NHSL1: variants seen among roughly 807,000 people sequenced by gnomAD.
NHSL1 encodes the protein NHS-like protein 1.
In NHSL1, 48 loss-of-function variants were observed where a neutral mutation model predicts 95.0. The observed-to-expected ratio is 0.51, with a 90% CI of 0.40 to 0.64. The LOEUF is 0.64. Ranked by LOEUF, NHSL1 falls within the 30% of genes least tolerant of loss-of-function variation. NHSL1 has a pLI of 0.00. For synonymous variants in NHSL1, 783 were observed against 833.9 expected (o/e 0.94, Z 1.05); for missense variants, 1,971 against 2,077.7 (o/e 0.95, Z 1.00).
chr6:138,641,817 C>T (rs1269452429), intron 1 of NHSL1, among the ~76,000 whole-genome samples: 1 of 151,996 alleles, frequency 6.6e-6, no homozygotes, highest in East Asian at 1.9e-4. Flanking sequence ...TCTACTCCTG[C>T]CTGAAAAGAT....
At chr6:138,595,625 A>G (rs1454065459) in intron 1 of NHSL1, among the ~76,000 whole-genome samples, 1 of 152,230 alleles carries the variant, frequency 6.6e-6, no homozygotes, top group Non-Finnish European at 1.5e-5. Flanking sequence ...GTGAATTTCA[A>G]TAACTTCAAT....
chr6:138,545,549 T>C, intron 1 of NHSL1: 2 of 1,095,720 alleles, frequency 1.8e-6, no homozygotes, highest in Non-Finnish European at 2.5e-6. Context: ...GCTCTGTGAT[T>C]TAGACTCTGA....
chr6:138,562,257 C>T (rs757220955), intron 1 of NHSL1, among the ~76,000 whole-genome samples: 3 of 152,124 alleles, frequency 2.0e-5, no homozygotes, highest in Non-Finnish European at 2.9e-5. Context: ...TAGTTCACAA[C>T]GCTAGAAAAA....
At chr6:138,583,491 T>C (rs1784090540) in intron 1 of NHSL1, among the ~76,000 whole-genome samples, 1 of 152,114 alleles carries the variant, frequency 6.6e-6, no homozygotes, top group Non-Finnish European at 1.5e-5. Flanking sequence ...TGCTATGTGT[T>C]CCCGTAACAC....
At chr6:138,567,642 G>A (rs1783669725) in intron 1 of NHSL1, among the ~76,000 whole-genome samples, 1 of 151,900 alleles carries the variant, frequency 6.6e-6, no homozygotes, top group African/African-American at 2.4e-5. Flanking sequence ...AAACTGGGAT[G>A]AAATTACTTT....
At chr6:138,436,742 T>C (rs747250406) in intron 5 of NHSL1, among the ~76,000 whole-genome samples, 3 of 152,156 alleles carry the variant, frequency 2.0e-5, no homozygotes, top group Non-Finnish European at 2.9e-5. Flanking sequence ...AAAGGACAAA[T>C]TGACTCTTGT....
intron 1 of NHSL1, among the ~76,000 whole-genome samples, chr6:138,647,764 A>G (rs1357641001): frequency 6.6e-6 from 1 of 151,896 alleles, no homozygotes; most frequent in African/African-American, 2.4e-5. Context: ...TGCCCGGCTA[A>G]TTTTAGTATT....
intron 2 of NHSL1, among the ~76,000 whole-genome samples, chr6:138,493,650 A>T (rs1055814457): frequency 6.6e-6 from 1 of 152,238 alleles, no homozygotes; most frequent in Non-Finnish European, 1.5e-5. Flanking sequence ...AATGCTAATG[A>T]GGCACTGCCT....
chr6:138,453,383 C>G (rs1310749785), intron 3 of NHSL1, among the ~76,000 whole-genome samples: 1 of 152,066 alleles, frequency 6.6e-6, no homozygotes, highest in Admixed American at 6.6e-5. Context: ...GAGATGAGGT[C>G]TTGCCCTCTT....
chr6:138,448,442 A>G (rs555875093), intron 3 of NHSL1, among the ~76,000 whole-genome samples: 3 of 152,222 alleles, frequency 2.0e-5, no homozygotes, highest in Non-Finnish European at 2.9e-5. Context: ...TCACTGGAGA[A>G]TAAAAAGTCA....
rs11970330 is a variant in NHSL1, at chr6:138,643,089, G to A, written c.96+49387C>T. Among the ~76,000 whole-genome samples, 1,170 of 152,316 alleles carry A rather than the reference G, an allele frequency of 7.7e-3. 19 individuals carry two copies. Among genetic ancestry groups the A allele is most frequent in the African/African-American group, 0.027 (1,102 of 41,564 alleles). On this transcript the variant is annotated intron_variant, in intron 1 of 3. Transcript: ENST00000491526. ...TAAAGAAAACAGATCAAGCCAATAC[G>A]ATAGATAGTGAGATGATATTTTTTA...
At chr6:138,495,960 C>T (rs1042053766) in intron 2 of NHSL1, among the ~76,000 whole-genome samples, 3 of 152,086 alleles carry the variant, frequency 2.0e-5, no homozygotes, top group African/African-American at 7.2e-5. Context: ...GGGAAATTGG[C>T]CCCATGATTC....
intron 1 of NHSL1, among the ~76,000 whole-genome samples, chr6:138,609,269 G>A (rs1784475518): frequency 6.6e-6 from 1 of 152,114 alleles, no homozygotes; most frequent in African/African-American, 2.4e-5. Context: ...GGGTGAGCTG[G>A]GACCAAAGCT....
intron 1 of NHSL1, among the ~76,000 whole-genome samples, chr6:138,645,446 G>A (rs1785005600): frequency 6.6e-6 from 1 of 151,632 alleles, no homozygotes; most frequent in Non-Finnish European, 1.5e-5. Flanking sequence ...TTGTTCTATA[G>A]CACTAATCAC....
intron 1 of NHSL1, among the ~76,000 whole-genome samples, chr6:138,627,313 GT>G (rs896714842): frequency 7.2e-5 from 11 of 152,112 alleles, no homozygotes; most frequent in Non-Finnish European, 1.3e-4. Context: ...TACACAAAAA[GT>G]TTTTTTATAT....
chr6:138,457,463 C>G (rs1010196614), intron 3 of NHSL1, among the ~76,000 whole-genome samples: 12 of 152,084 alleles, frequency 7.9e-5, no homozygotes, highest in African/African-American at 2.7e-4. Flanking sequence ...CCAGAATCGA[C>G]GTCCTCTAGG....
At position 138,430,506 on chromosome 6, in the gene NHSL1, A is replaced by T; in HGVS notation, c.3839T>A (p.Val1280Asp). ...TGAGACATCAGGCTGAACCATGGGG[A>T]CATTGGCTTCCACTCTGCTGGGAGA... ...SMSPSRVEANVPMVQPDVSPA... is the reference protein window; with the variant it reads ...SMSPSRVEANDPMVQPDVSPA... Residue 1280 changes from valine (V) to aspartate (D), a missense_variant, in exon 6 of 8, where the codon GTC becomes GAC. By Grantham distance (152) the Val-to-Asp change is radical. Coordinates refer to ENST00000343505, the MANE Select transcript of NHSL1 (RefSeq NM_001144060.2). The surrounding 1 kb of genome is among the most constrained non-coding windows in gnomAD (Gnocchi z 4.7). 1 of 1,551,396 alleles carries T rather than the reference A, an allele frequency of 6.4e-7. No homozygotes were observed. The highest frequency in any genetic ancestry group is 8.7e-7 in the Non-Finnish European group (1 of 1,146,850).
chr6:138,546,731 G>C (rs1229424059), upstream of NHSL1, among the ~76,000 whole-genome samples: 1 of 152,226 alleles, frequency 6.6e-6, no homozygotes, highest in Non-Finnish European at 1.5e-5. Context: ...TGCAGCATTA[G>C]AGTACGAGAA....
At chr6:138,599,379 G>A (rs1784342563) in intron 1 of NHSL1, among the ~76,000 whole-genome samples, 1 of 152,092 alleles carries the variant, frequency 6.6e-6, no homozygotes, top group Admixed American at 6.5e-5. Flanking sequence ...GGGTGTGGTG[G>A]CAGGTGCCTG....
Sources: allele counts gnomAD v4.1 joint callset (sites outside exome capture counted in the v4.1 genomes callset), GRCh38; gene constraint gnomAD v4.1.1; non-coding constraint Gnocchi (gnomAD v3.1); transcripts MANE v1.5; gene names NCBI Gene and HGNC (gene_info 2026-07-23, HGNC 2026-07-21).